GPHN: variants seen among roughly 807,000 people sequenced by gnomAD.
The protein encoded by GPHN is gephyrin.
GPHN carries 17 observed loss-of-function variants against 95.5 expected under a neutral mutation model. That is an observed-to-expected ratio of 0.18 (90% confidence interval 0.12 to 0.27). The LOEUF (loss-of-function observed/expected upper bound fraction) is 0.27. GPHN is among the 10% of genes least tolerant of loss of function. The probability of loss-of-function intolerance (pLI) is 1.00; values close to 1 mark genes in which losing one functional copy is unlikely to be tolerated. For synonymous variants in GPHN, 320 were observed against 322.5 expected, an observed-to-expected ratio of 0.99 and a Z score of 0.08; for missense variants, 660 against 978.1, an observed-to-expected ratio of 0.67 and a Z score of 4.34.
At chr14:67,151,710 C>A (rs1037315830) in intron 18 of GPHN, among the ~76,000 whole-genome samples, 1 of 152,214 alleles carries the variant, frequency 6.6e-6, no homozygotes, top group Non-Finnish European at 1.5e-5. Context: ...GTGGCATGAT[C>A]TTGGTTCACT....
chr14:67,714,491 A>G, the GPHN span: 1 of 152,664 alleles, frequency 6.6e-6, no homozygotes. Context: ...TTTTTATTAA[A>G]AAGAGTTCCC....
chr14:66,892,638 T>C (rs2064576495), intron 5 of GPHN, among the ~76,000 whole-genome samples: 2 of 152,186 alleles, frequency 1.3e-5, no homozygotes, highest in Non-Finnish European at 2.9e-5. Flanking sequence ...CTTGAAAACA[T>C]TGTGCTAAAT....
chr14:66,578,450 T>C (rs1450587493), intron 1 of GPHN, among the ~76,000 whole-genome samples: 3 of 151,564 alleles, frequency 2.0e-5, no homozygotes, highest in Non-Finnish European at 4.4e-5. Flanking sequence ...GATATAAATG[T>C]CCACACATAG....
At chr14:67,034,697 AAAG>A (rs1336238180) in intron 10 of GPHN, among the ~76,000 whole-genome samples, 2 of 152,130 alleles carry the variant, frequency 1.3e-5, no homozygotes, top group African/African-American at 2.4e-5. Flanking sequence ...CACAAGAGAC[AAAG>A]AAGAATATTA....
chr14:67,659,728 T>C, the GPHN span: 3 of 1,587,312 alleles, frequency 1.9e-6, no homozygotes, highest in Non-Finnish European at 2.6e-6. Flanking sequence ...AGCTAAAACT[T>C]ACCATATGCT....
intron 12 of GPHN, among the ~76,000 whole-genome samples, chr14:67,093,638 T>C (rs1200401287): frequency 1.3e-5 from 2 of 152,062 alleles, no homozygotes; most frequent in Non-Finnish European, 2.9e-5. Context: ...TCTTTCCCAA[T>C]ACTAACAATT....
chr14:67,209,689 G>A, the GPHN span, among the ~76,000 whole-genome samples: 2 of 151,388 alleles, frequency 1.3e-5, no homozygotes, highest in South Asian at 4.2e-4. Context: ...GTGGTGGCAG[G>A]CGCCTGTAAT....
chr14:66,896,650 T>C (rs1361484394), intron 5 of GPHN, among the ~76,000 whole-genome samples: 1 of 152,096 alleles, frequency 6.6e-6, no homozygotes, highest in Non-Finnish European at 1.5e-5. Context: ...ATATTAAATA[T>C]TGATTATAGT....
intron 11 of GPHN, among the ~76,000 whole-genome samples, chr14:67,073,359 G>T (rs2076380175): frequency 1.3e-5 from 2 of 152,062 alleles, no homozygotes; most frequent in South Asian, 4.1e-4. Flanking sequence ...TTTGACCAGG[G>T]TGTGGCAAGG....
In GPHN at chr14:67,083,876, C is replaced by T. The variant is rs1049644740; in HGVS notation, c.1145-5107C>T. On this transcript the variant is annotated intron_variant, in intron 11 of 22. Coordinates refer to ENST00000478722, the MANE Select transcript of GPHN (RefSeq NM_020806.5). ...CAAAATATCCTTCTCTATTTTATAT[C>T]CTCTTTGATCGAAGCTGGTTGTATT... Among the ~76,000 whole-genome samples, 6 of 152,224 alleles carry T rather than the reference C, an allele frequency of 3.9e-5. No individual in the cohort carries two copies. The South Asian group carries it at 1.2e-3, about 32-fold the overall frequency.
chr14:66,792,958 G>A (rs1479619309), intron 3 of GPHN, among the ~76,000 whole-genome samples: 2 of 152,288 alleles, frequency 1.3e-5, no homozygotes, highest in Admixed American at 6.5e-5. Flanking sequence ...ATCTGCAGCA[G>A]GAACATGCCC....
the GPHN span, chr14:67,684,389 G>A: frequency 6.6e-6 from 1 of 152,162 alleles, no homozygotes; most frequent in Non-Finnish European, 1.5e-5. Context: ...GGTAGAGAAT[G>A]GGGATAGGGC....
At chr14:66,682,755 A>C (rs958253307) in intron 2 of GPHN, among the ~76,000 whole-genome samples, 2 of 152,210 alleles carry the variant, frequency 1.3e-5, no homozygotes, top group African/African-American at 4.8e-5. Flanking sequence ...ATCTCAAAAA[A>C]AAAATTATTA....
the GPHN span, among the ~76,000 whole-genome samples, chr14:67,605,028 G>C: frequency 2.2e-4 from 33 of 152,226 alleles, 1 homozygote; most frequent in Middle Eastern, 6.8e-3. Flanking sequence ...AGTAGGTCTT[G>C]ATTTCTCATA....
intron 9 of GPHN, among the ~76,000 whole-genome samples, chr14:66,981,030 C>T: frequency 6.6e-6 from 1 of 152,124 alleles, no homozygotes; most frequent in East Asian, 1.9e-4. Context: ...GCCTGGGCAA[C>T]AAGAGTGAAA....
intron 12 of GPHN, among the ~76,000 whole-genome samples, chr14:67,091,264 C>T (rs889591918): frequency 6.6e-6 from 1 of 151,982 alleles, no homozygotes; most frequent in Non-Finnish European, 1.5e-5. Flanking sequence ...ACCAAATTCC[C>T]AATGGCTCCT....
the GPHN span, among the ~76,000 whole-genome samples, chr14:67,561,025 C>T: frequency 6.6e-6 from 1 of 152,114 alleles, no homozygotes; most frequent in African/African-American, 2.4e-5. Flanking sequence ...GCCACCACAC[C>T]CGGCTGACAA....
chr14:66,636,712 A>G (rs972945312), intron 1 of GPHN, among the ~76,000 whole-genome samples: 3 of 152,126 alleles, frequency 2.0e-5, no homozygotes, highest in Admixed American at 6.5e-5. Context: ...TCAGATTGGT[A>G]AGGACCCTGT....
At chr14:67,204,275 A>G in the GPHN span, among the ~76,000 whole-genome samples, 1 of 152,054 alleles carries the variant, frequency 6.6e-6, no homozygotes, top group African/African-American at 2.4e-5. Flanking sequence ...TGTCTCTACA[A>G]AAAAATGCAA....
Sources: allele counts gnomAD v4.1 joint callset (sites outside exome capture counted in the v4.1 genomes callset), GRCh38; gene constraint gnomAD v4.1.1; transcripts MANE v1.5; gene names NCBI Gene and HGNC (gene_info 2026-07-23, HGNC 2026-07-21).